KCNMA1: variants seen among roughly 807,000 people sequenced by gnomAD.
KCNMA1 encodes potassium calcium-activated channel subfamily M alpha 1, also known as Calcium-activated potassium channel subunit alpha-1.
In KCNMA1, 29 loss-of-function variants were observed where a neutral mutation model predicts 140.0. That is an observed-to-expected ratio of 0.21 (90% CI 0.15 to 0.28). The LOEUF is 0.28. Among genes scored for constraint, KCNMA1 ranks in the 10% least tolerant of loss-of-function variants. KCNMA1 has a pLI of 1.00. For synonymous variants in KCNMA1, 612 were observed against 611.9 expected, an observed-to-expected ratio of 1.00 and a Z score of 0.00; for missense variants, 880 against 1,602.2, an observed-to-expected ratio of 0.55 and a Z score of 7.70.
chr10:77,597,316 T>C (rs748317631), intron 1 of KCNMA1, among the ~76,000 whole-genome samples: 1 of 152,108 alleles, frequency 6.6e-6, no homozygotes, highest in East Asian at 1.9e-4. Flanking sequence ...TTATCAACAA[T>C]GTATTGTATA....
chr10:77,448,458 C>G (rs2097569050), intron 1 of KCNMA1, among the ~76,000 whole-genome samples: 1 of 152,196 alleles, frequency 6.6e-6, no homozygotes, highest in Non-Finnish European at 1.5e-5. Flanking sequence ...TGCACACATT[C>G]ACTTTTTCCT....
chr10:77,585,702 GAAC>G (rs1447247258), intron 1 of KCNMA1, among the ~76,000 whole-genome samples: 1 of 152,084 alleles, frequency 6.6e-6, no homozygotes, highest in Non-Finnish European at 1.5e-5. Context: ...ATTCCCAGAC[GAAC>G]AACTTCCCTG....
intron 19 of KCNMA1, among the ~76,000 whole-genome samples, chr10:76,997,708 T>A (rs931952104): frequency 2.6e-5 from 4 of 152,216 alleles, no homozygotes; most frequent in Admixed American, 6.5e-5. Context: ...TCTATATTTA[T>A]GTGCATGTGT....
chr10:77,635,497 C>G (rs2093646698), intron 1 of KCNMA1: 1 of 152,172 alleles, frequency 6.6e-6, no homozygotes, highest in South Asian at 2.1e-4. Context: ...GTCGCTGAAT[C>G]TCAGTAAACC....
intron 21 of KCNMA1, among the ~76,000 whole-genome samples, chr10:76,951,719 C>T (rs2066320623): frequency 1.3e-5 from 2 of 152,196 alleles, no homozygotes; most frequent in African/African-American, 4.8e-5. Flanking sequence ...ACTTTCCAGA[C>T]AGCACCTCCC....
intron 1 of KCNMA1, among the ~76,000 whole-genome samples, chr10:77,530,723 T>C (rs1407799467): frequency 6.6e-6 from 1 of 152,158 alleles, no homozygotes; most frequent in Non-Finnish European, 1.5e-5. Flanking sequence ...AGTGTAGGTC[T>C]CAGTAGTACT....
At chr10:77,099,622 G>A (rs569008274) in intron 9 of KCNMA1, among the ~76,000 whole-genome samples, 14 of 152,032 alleles carry the variant, frequency 9.2e-5, no homozygotes, top group Admixed American at 1.3e-4. Flanking sequence ...GCTGAGGCAG[G>A]AGAATTGCTT....
chr10:77,406,628 G>A (rs1018509936), intron 1 of KCNMA1, among the ~76,000 whole-genome samples: 5 of 152,028 alleles, frequency 3.3e-5, no homozygotes, highest in African/African-American at 9.7e-5. Context: ...AGTATGGCTC[G>A]GTGACTGCTG....
At chr10:77,181,642 G>T (rs2098803443) in intron 5 of KCNMA1, among the ~76,000 whole-genome samples, 1 of 152,186 alleles carries the variant, frequency 6.6e-6, no homozygotes, top group Non-Finnish European at 1.5e-5. Flanking sequence ...CAGCAGCTGG[G>T]ACTGCTGGCA....
At chr10:76,923,932 G>A (rs551825280) in intron 23 of KCNMA1, among the ~76,000 whole-genome samples, 1 of 152,304 alleles carries the variant, frequency 6.6e-6, no homozygotes, top group Admixed American at 6.5e-5. Context: ...TTGAGCCAGG[G>A]AGGCAGAGGT....
intron 1 of KCNMA1, among the ~76,000 whole-genome samples, chr10:77,442,177 C>A (rs904183891): frequency 6.6e-6 from 1 of 152,206 alleles, no homozygotes; most frequent in African/African-American, 2.4e-5. Context: ...TCCTACCTTA[C>A]CACTCACTGC....
chr10:77,223,015 G>C (rs1482487048), intron 3 of KCNMA1, among the ~76,000 whole-genome samples: 1 of 152,012 alleles, frequency 6.6e-6, no homozygotes, highest in South Asian at 2.1e-4. Flanking sequence ...AGATCACAAG[G>C]TCAGGAGTTC....
chr10:76,977,912 G>T lies in KCNMA1; in HGVS notation c.2267-7845C>A. ...TGAGCAATTCCTCGAAGCTGTCAGC[G>T]TGTGCTGCCAGTCCACCCTGCGAGA... On this transcript the variant is annotated intron_variant, in intron 19 of 27. Transcript: ENST00000286628. 9.5e-6 allele frequency: 4 copies of T among 422,334 alleles called. No homozygotes were observed. In the South Asian group the frequency reaches 1.6e-4, roughly 17 times the overall value. 26.2% of individuals were successfully genotyped at this position (422,334 alleles called of 1,614,324 possible).
chr10:77,343,312 A>G (rs1022213005), intron 2 of KCNMA1, among the ~76,000 whole-genome samples: 12 of 152,190 alleles, frequency 7.9e-5, no homozygotes, highest in African/African-American at 2.7e-4. Flanking sequence ...AAAACAATCC[A>G]TGTGATAGGT....
chr10:76,955,305 A>C (rs1035414226), intron 20 of KCNMA1, among the ~76,000 whole-genome samples: 1 of 151,834 alleles, frequency 6.6e-6, no homozygotes, highest in South Asian at 2.1e-4. Context: ...TTATATGTCA[A>C]GAGTACAGAG....
intron 14 of KCNMA1, among the ~76,000 whole-genome samples, chr10:77,056,413 A>G (rs949791912): frequency 3.9e-5 from 6 of 151,918 alleles, no homozygotes; most frequent in African/African-American, 1.4e-4. Flanking sequence ...ATAATAATAA[A>G]GTAAAATAAA....
At chr10:76,962,018 A>T (rs376701608) in intron 20 of KCNMA1, among the ~76,000 whole-genome samples, 5 of 152,252 alleles carry the variant, frequency 3.3e-5, no homozygotes, top group Non-Finnish European at 5.9e-5. Flanking sequence ...CTTGGCATCA[A>T]TTAATCTCAG....
At chr10:77,111,977 A>C (rs1167914513) in intron 7 of KCNMA1, among the ~76,000 whole-genome samples, 1 of 152,160 alleles carries the variant, frequency 6.6e-6, no homozygotes, top group African/African-American at 2.4e-5. Flanking sequence ...AAATTGAGGG[A>C]TCTGAATTTG....
intron 1 of KCNMA1, among the ~76,000 whole-genome samples, chr10:77,455,889 A>G (rs1220585833): frequency 6.6e-6 from 1 of 152,232 alleles, no homozygotes; most frequent in Non-Finnish European, 1.5e-5. Context: ...CAGAGCTTTC[A>G]GTCCAAGGAA....
Sources: allele counts gnomAD v4.1 joint callset (sites outside exome capture counted in the v4.1 genomes callset), GRCh38; gene constraint gnomAD v4.1.1; transcripts MANE v1.5; gene names NCBI Gene and HGNC (gene_info 2026-07-23, HGNC 2026-07-21).